RNF17: variants seen among roughly 807,000 people sequenced by gnomAD.
The protein encoded by RNF17 is spermatogenesis associated 23.
In RNF17, 31 loss-of-function variants were observed where a neutral mutation model predicts 200.5. The observed-to-expected ratio is 0.15, with a 90% CI of 0.12 to 0.21. The LOEUF (loss-of-function observed/expected upper bound fraction) is 0.21. Among genes scored for constraint, RNF17 ranks in the 10% least tolerant of loss-of-function variants. The probability of loss-of-function intolerance (pLI) is 1.00; values close to 1 mark genes in which losing one functional copy is unlikely to be tolerated. For missense variants in RNF17, 1,628 were observed against 1,905.1 expected, an observed-to-expected ratio of 0.85 and a Z score of 2.71; for synonymous variants, 606 against 637.8, an observed-to-expected ratio of 0.95 and a Z score of 0.75.
At chr13:24,796,622 C>G (rs1884608605) in intron 11 of RNF17, among the ~76,000 whole-genome samples, 1 of 152,110 alleles carries the variant, frequency 6.6e-6, no homozygotes, top group Non-Finnish European at 1.5e-5. Context: ...TAAGATGATT[C>G]TTGTGTAACT....
downstream of RNF17, chr13:24,883,439 T>C: frequency 1.6e-6 from 2 of 1,277,716 alleles, no homozygotes; most frequent in East Asian, 2.5e-5. Context: ...GAAAAACTAC[T>C]GAAAAGTAGC....
chr13:24,850,298 A>T (rs773862367), intron 22 of RNF17, 43 bp from the exon 23 acceptor site: 3 of 1,229,564 alleles, frequency 2.4e-6, no homozygotes, highest in Non-Finnish European at 3.6e-6. Flanking sequence ...TCAATATTGT[A>T]TGCTATTTTT....
At chr13:24,811,470 T>C (rs1593312457) in intron 15 of RNF17, among the ~76,000 whole-genome samples, 1 of 152,236 alleles carries the variant, frequency 6.6e-6, no homozygotes, top group Non-Finnish European at 1.5e-5. Context: ...ACGTAGTTCT[T>C]GAGCCTTGGT....
intron 20 of RNF17, 89 bp downstream of exon 20, chr13:24,844,060 A>C (rs1034221709): frequency 2.3e-6 from 1 of 428,478 alleles, no homozygotes; most frequent in African/African-American, 2.0e-5. Context: ...TCATAAATGT[A>C]GATTTTACTA....
intron 2 of RNF17, among the ~76,000 whole-genome samples, chr13:24,771,350 T>TTTTTTG (rs1593209620): frequency 8.7e-6 from 1 of 115,452 alleles, no homozygotes; most frequent in Non-Finnish European, 1.7e-5. Flanking sequence ...TTTTTTTTTT[T>TTTTTTG]GGAAGAGGTG....
At chr13:24,800,615 A>C (rs1166595206) in intron 13 of RNF17, 81 bp downstream of exon 13, 2 of 1,103,306 alleles carry the variant, frequency 1.8e-6, no homozygotes, top group East Asian at 5.0e-5. Context: ...TGCTAAGTAT[A>C]GGCTCAGGGA....
chr13:24,870,821 C>T (rs1328994385), intron 32 of RNF17, 82 bp downstream of exon 32: 1 of 1,055,694 alleles, frequency 9.5e-7, no homozygotes, highest in Non-Finnish European at 1.4e-6. Context: ...CTTGGGCTAT[C>T]TCTAATGCTG....
chr13:24,885,173 G>T, the RNF17 span: 1 of 762,718 alleles, frequency 1.3e-6, no homozygotes, highest in Non-Finnish European at 2.2e-6. Flanking sequence ...GCAACTAAAG[G>T]CATCTTGTCC....
intron 1 of RNF17, 61 bp downstream of exon 1, chr13:24,764,394 G>T: frequency 1.3e-6 from 2 of 1,503,558 alleles, no homozygotes; most frequent in South Asian, 2.5e-5. Flanking sequence ...TGGGGGCCAG[G>T]TGAGCTGGTG....
At chr13:24,796,423 T>C in intron 11 of RNF17, 128 bp downstream of exon 11, 2 of 555,204 alleles carry the variant, frequency 3.6e-6, no homozygotes, top group Non-Finnish European at 5.8e-6. Context: ...AGCATAAAAG[T>C]TTTAGGATTA....
At chr13:24,785,378 G>A (rs1184253076) in intron 6 of RNF17, among the ~76,000 whole-genome samples, 2 of 151,984 alleles carry the variant, frequency 1.3e-5, no homozygotes, top group Non-Finnish European at 2.9e-5. Context: ...TGAATCTTCC[G>A]GGGTTTTTTT....
intron 3 of RNF17, 26 bp downstream of exon 3, chr13:24,774,930 G>A (rs1459261555): frequency 7.3e-7 from 1 of 1,379,206 alleles, no homozygotes; most frequent in East Asian, 2.3e-5. Context: ...ACTTATTTGA[G>A]TATTTAAAGT....
At chr13:24,873,519 G>A (rs1894522308) in intron 32 of RNF17, among the ~76,000 whole-genome samples, 1 of 152,130 alleles carries the variant, frequency 6.6e-6, no homozygotes, top group African/African-American at 2.4e-5. Context: ...ACAGTATTTA[G>A]GGTATTCATC....
chr13:24,801,167 A>G (rs1229776665), intron 13 of RNF17, among the ~76,000 whole-genome samples: 1 of 152,192 alleles, frequency 6.6e-6, no homozygotes, highest in Non-Finnish European at 1.5e-5. Flanking sequence ...CTTTAAAATG[A>G]TGAGTGTTTT....
At chr13:24,801,102 A>G (rs965732901) in intron 13 of RNF17, among the ~76,000 whole-genome samples, 1 of 152,212 alleles carries the variant, frequency 6.6e-6, no homozygotes, top group Non-Finnish European at 1.5e-5. Flanking sequence ...ACTTGAAATA[A>G]CAAATAAGTT....
At chr13:24,787,877 A>C in intron 6 of RNF17, 111 bp from the exon 7 acceptor site, 1 of 744,478 alleles carries the variant, frequency 1.3e-6, no homozygotes, top group Non-Finnish European at 2.1e-6. Context: ...ATTTAACCAT[A>C]TTATGTAAAA....
chr13:24,870,179 C>T (rs753277523), intron 31 of RNF17, among the ~76,000 whole-genome samples: 2 of 152,028 alleles, frequency 1.3e-5, no homozygotes, highest in African/African-American at 2.4e-5. Context: ...ATCTCCTGAC[C>T]TTGTGAGTCA....
chr13:24,855,264 A>G (rs960837656), intron 25 of RNF17, among the ~76,000 whole-genome samples: 2 of 152,138 alleles, frequency 1.3e-5, no homozygotes, highest in African/African-American at 4.8e-5. Flanking sequence ...AAATCCTACT[A>G]TGAACATTCT....
chr13:24,768,337 T>G (rs1230408995), intron 2 of RNF17, among the ~76,000 whole-genome samples: 1 of 144,770 alleles, frequency 6.9e-6, no homozygotes, highest in Non-Finnish European at 1.5e-5. Flanking sequence ...CAGGCTGGAG[T>G]GCAGTGACTC....
Sources: allele counts gnomAD v4.1 joint callset (sites outside exome capture counted in the v4.1 genomes callset), GRCh38; gene constraint gnomAD v4.1.1; transcripts MANE v1.5; gene names NCBI Gene and HGNC (gene_info 2026-07-23, HGNC 2026-07-21).